CACNG3: variants seen among roughly 807,000 people sequenced by gnomAD.
The protein encoded by CACNG3 is calcium voltage-gated channel auxiliary subunit gamma 3, also known as voltage-dependent calcium channel gamma-3 subunit.
Under a neutral mutation model 28.5 loss-of-function variants are expected in CACNG3, and 3 were observed. The ratio of observed to expected loss-of-function variants is 0.11; its 90% CI spans 0.05 to 0.27. CACNG3 has a LOEUF of 0.27. Ranked by LOEUF, CACNG3 falls within the 10% of genes least tolerant of loss-of-function variation. CACNG3 has a pLI of 1.00. For missense variants in CACNG3, 236 were observed against 414.4 expected (o/e 0.57, Z 3.74); for synonymous variants, 174 against 162.2 (o/e 1.07, Z -0.55).
intron 2 of CACNG3, among the ~76,000 whole-genome samples, chr16:24,353,257 G>C (rs1036662193): frequency 1.3e-5 from 2 of 152,010 alleles, no homozygotes; most frequent in African/African-American, 4.8e-5. Flanking sequence ...TTACAGGCTT[G>C]AGCCACCATG....
chr16:24,295,076 G>T (rs577932789), intron 1 of CACNG3, among the ~76,000 whole-genome samples: 2 of 152,202 alleles, frequency 1.3e-5, no homozygotes, highest in Non-Finnish European at 2.9e-5. Context: ...TTGTCAGGAG[G>T]GTCCCTCAGA....
intron 1 of CACNG3, among the ~76,000 whole-genome samples, chr16:24,337,803 G>A (rs2141376391): frequency 6.6e-6 from 1 of 151,716 alleles, no homozygotes; most frequent in Non-Finnish European, 1.5e-5. Context: ...GTGGTCTCAA[G>A]GTTACTCCCT....
chr16:24,308,048 G>A lies in CACNG3; in HGVS notation c.212-38686G>A, dbSNP rs763390288. ...GAGAAAGCAATGGGTTTGCAGAGAC[G>A]GGCTGACTCCCCCACGGCACTCTGA... On this transcript the variant is annotated intron_variant, in intron 1 of 3. Coordinates refer to ENST00000005284, the MANE Select transcript of CACNG3 (RefSeq NM_006539.4). Among the ~76,000 whole-genome samples, 5 of 152,080 alleles carry A rather than the reference G, an allele frequency of 3.3e-5. No individual in the cohort carries two copies. In the East Asian group the frequency reaches 7.7e-4, roughly 23 times the overall value.
At chr16:24,267,725 A>G (rs779118283) in intron 1 of CACNG3, among the ~76,000 whole-genome samples, 1 of 152,124 alleles carries the variant, frequency 6.6e-6, no homozygotes, top group Non-Finnish European at 1.5e-5. Flanking sequence ...GCTGGAGTGC[A>G]ATGATGTGAT....
At chr16:24,318,949 T>C (rs985823459) in intron 1 of CACNG3, among the ~76,000 whole-genome samples, 1 of 152,182 alleles carries the variant, frequency 6.6e-6, no homozygotes, top group Non-Finnish European at 1.5e-5. Context: ...TCTCACCACA[T>C]GGTGAGAAAG....
At chr16:24,349,093 C>T (rs1899907555) in intron 2 of CACNG3, among the ~76,000 whole-genome samples, 1 of 152,224 alleles carries the variant, frequency 6.6e-6, no homozygotes, top group African/African-American at 2.4e-5. Context: ...GATCCAGCCA[C>T]GTAGGGCTGG....
chr16:24,350,071 C>G (rs1389074875), intron 2 of CACNG3, among the ~76,000 whole-genome samples: 3 of 152,190 alleles, frequency 2.0e-5, no homozygotes, highest in Non-Finnish European at 1.5e-5. Context: ...CAGTAAAAAC[C>G]TCTTTGATCT....
chr16:24,349,658 A>G (rs1285707459), intron 2 of CACNG3, among the ~76,000 whole-genome samples: 4 of 152,138 alleles, frequency 2.6e-5, no homozygotes, highest in African/African-American at 9.7e-5. Context: ...GCATATAATG[A>G]GCAGTGAGGA....
chr16:24,358,253 G>A (rs777505590), intron 3 of CACNG3, among the ~76,000 whole-genome samples: 6 of 152,238 alleles, frequency 3.9e-5, no homozygotes, highest in African/African-American at 7.2e-5. Context: ...GCCCAAGAGC[G>A]TAAGCTCTGA....
intron 1 of CACNG3, among the ~76,000 whole-genome samples, chr16:24,341,358 T>C (rs1022165621): frequency 2.6e-5 from 4 of 151,564 alleles, no homozygotes; most frequent in Admixed American, 2.0e-4. Flanking sequence ...TCCTTTTCCT[T>C]CTATATTGCT....
chr16:24,346,763 G>A lies in CACNG3; in HGVS notation c.241G>A (p.Asp81Asn), dbSNP rs750272065. 5.0e-6 allele frequency: 8 copies of A among 1,613,938 alleles called. No individual in the cohort carries two copies. The highest frequency in any genetic ancestry group is 2.7e-5 in the African/African-American group (2 of 74,914). The change falls in exon 2 of 4, where the codon GAT becomes AAT. Residue 81 changes from aspartate to asparagine, a missense_variant. Around this residue, in one of 2 missense-constraint regions of CACNG3, gnomAD observed 120 missense variants for 263.4 expected, o/e 0.46. Coordinates refer to ENST00000005284, the MANE Select transcript of CACNG3 (RefSeq NM_006539.4). ...TTTCCGAGGCGTGTGCAAGAAAATC[G>A]ATCACTTCCCTGAAGATGCTGACTA... ...GAFRGVCKKI[D>N]HFPEDADYEQ...
At chr16:24,296,771 G>GT (rs1899036424) in intron 1 of CACNG3, among the ~76,000 whole-genome samples, 1 of 152,214 alleles carries the variant, frequency 6.6e-6, no homozygotes, top group Non-Finnish European at 1.5e-5. Context: ...TGATGCCTGT[G>GT]TGTTACTAAA....
chr16:24,280,264 G>A (rs1480597572), intron 1 of CACNG3, among the ~76,000 whole-genome samples: 1 of 152,292 alleles, frequency 6.6e-6, no homozygotes, highest in East Asian at 1.9e-4. Flanking sequence ...GAACATTAAA[G>A]TTTCCTTTCA....
chr16:24,268,420 G>A (rs1724438305), intron 1 of CACNG3, among the ~76,000 whole-genome samples: 1 of 152,164 alleles, frequency 6.6e-6, no homozygotes, highest in South Asian at 2.1e-4. Context: ...GGGCTGGTGG[G>A]TTGGGTCTCC....
rs1474603821 is a variant in CACNG3, at chr16:24,299,935, C to T, written c.211+42970C>T. Reference sequence around the variant, plus strand: ...GCACATGCATGGATGCACACATGCACACGCACACACACACACACACACACA... The same window carrying T: ...GCACATGCATGGATGCACACATGCATACGCACACACACACACACACACACA... On this transcript the variant is annotated intron_variant, in intron 1 of 3. Coordinates refer to ENST00000005284, the MANE Select transcript of CACNG3 (RefSeq NM_006539.4). Among the ~76,000 whole-genome samples, 12 of 149,666 alleles carry T rather than the reference C, an allele frequency of 8.0e-5. No homozygotes were observed. The Admixed American group carries it at 8.2e-4, about 10-fold the overall frequency.
At chr16:24,318,768 G>T (rs1567217985) in intron 1 of CACNG3, among the ~76,000 whole-genome samples, 3 of 152,158 alleles carry the variant, frequency 2.0e-5, no homozygotes, top group Non-Finnish European at 4.4e-5. Flanking sequence ...TGTTAATGCT[G>T]TTCCTTGAAG....
intron 1 of CACNG3, among the ~76,000 whole-genome samples, chr16:24,274,212 A>AC (rs1898725910): frequency 6.6e-6 from 1 of 151,454 alleles, no homozygotes; most frequent in East Asian, 2.0e-4. Flanking sequence ...AAAAAAAAAA[A>AC]ACTCAACCTC....
At chr16:24,282,346 C>T (rs1198327217) in intron 1 of CACNG3, among the ~76,000 whole-genome samples, 1 of 151,908 alleles carries the variant, frequency 6.6e-6, no homozygotes, top group African/African-American at 2.4e-5. Context: ...TCACACTGGG[C>T]TTATTGCGGG....
chr16:24,279,851 G>C (rs745526109), intron 1 of CACNG3, among the ~76,000 whole-genome samples: 1 of 152,166 alleles, frequency 6.6e-6, no homozygotes, highest in Non-Finnish European at 1.5e-5. Flanking sequence ...TTAGTGATGG[G>C]GAGAGGGTGA....
Sources: allele counts gnomAD v4.1 joint callset (sites outside exome capture counted in the v4.1 genomes callset), GRCh38; gene constraint gnomAD v4.1.1; regional missense constraint gnomAD v4.1.1; transcripts MANE v1.5; gene names NCBI Gene and HGNC (gene_info 2026-07-23, HGNC 2026-07-21).